Variants in AFF1 observed in about 807,000 individuals in gnomAD.
The protein encoded by AFF1 is ALF transcription elongation factor 1, also known as AF4/FMR2 family member 1.
A neutral mutation model predicts 121.7 loss-of-function variants in AFF1; 48 were observed. The observed-to-expected ratio is 0.39, with a 90% CI of 0.31 to 0.50. The LOEUF (loss-of-function observed/expected upper bound fraction) is 0.50. Ranked by LOEUF, AFF1 falls within the 20% of genes least tolerant of loss-of-function variation. The pLI, the probability that AFF1 is intolerant of heterozygous loss-of-function variation, is 0.76. For missense variants in AFF1, 1,523 were observed against 1,511.7 expected (o/e 1.01, Z -0.12); for synonymous variants, 613 against 563.0 (o/e 1.09, Z -1.26).
intron 2 of AFF1, chr4:87,007,326 ATGG>A: frequency 6.2e-7 from 1 of 1,605,094 alleles, no homozygotes; most frequent in Non-Finnish European, 8.5e-7. Flanking sequence ...GCTCCGCCAA[ATGG>A]TGAGCGCGGC....
intron 7 of AFF1, 119 bp downstream of exon 7, chr4:87,091,948 A>C: frequency 1.4e-6 from 1 of 706,398 alleles, no homozygotes; most frequent in Admixed American, 3.3e-5. Context: ...TGTTGAAAGA[A>C]TAGGAAAGGA....
intron 20 of AFF1, among the ~76,000 whole-genome samples, chr4:87,135,029 T>C (rs1214451669): frequency 6.6e-6 from 1 of 152,236 alleles, no homozygotes; most frequent in Non-Finnish European, 1.5e-5. Flanking sequence ...AGCCACTGGC[T>C]GTTCCTAGGC....
chr4:87,117,115 A>G (rs1406274240), intron 12 of AFF1, among the ~76,000 whole-genome samples: 1 of 152,162 alleles, frequency 6.6e-6, no homozygotes. Context: ...AGGATCCCCC[A>G]GAGAGCTCAG....
At position 87,129,610 on chromosome 4, in the gene AFF1, A is replaced by T. The variant is rs188857973; in HGVS notation, c.2965-1473A>T. ...CCAAATACTGCTGATTAATTGGGGA[A>T]TACTCATTTGATTTTTGTTCTGTCA... is the stretch of plus-strand genomic sequence containing the variant. On this transcript the variant is annotated intron_variant, in intron 16 of 20. Coordinates refer to ENST00000395146, the MANE Select transcript of AFF1 (RefSeq NM_001166693.3). 2.0e-5 allele frequency among the ~76,000 whole-genome samples: 3 copies of T among 152,328 alleles called. No individual in the cohort carries two copies. In the East Asian group the frequency reaches 5.8e-4, roughly 29 times the overall value.
intron 2 of AFF1, among the ~76,000 whole-genome samples, chr4:86,960,885 T>C (rs1722098251): frequency 6.6e-6 from 1 of 152,196 alleles, no homozygotes; most frequent in Non-Finnish European, 1.5e-5. Context: ...GGTAAGGCAC[T>C]GGGCACCCAA....
intron 19 of AFF1, 39 bp from the exon 20 acceptor site, chr4:87,134,432 G>A: frequency 6.6e-7 from 1 of 1,525,088 alleles, no homozygotes; most frequent in Non-Finnish European, 8.9e-7. Flanking sequence ...GTCTACTGGT[G>A]ACTGACTGAT....
At chr4:87,122,134 C>T (rs760551353) in intron 12 of AFF1, among the ~76,000 whole-genome samples, 5 of 152,158 alleles carry the variant, frequency 3.3e-5, no homozygotes, top group Admixed American at 6.5e-5. Flanking sequence ...AATTTAGTAT[C>T]GATCTGGATA....
chr4:87,104,862 A>G (rs945447930), intron 8 of AFF1, among the ~76,000 whole-genome samples: 2 of 144,158 alleles, frequency 1.4e-5, no homozygotes, highest in South Asian at 4.3e-4. Flanking sequence ...GTTTGAGGAA[A>G]TTTTTTTTTT....
chr4:87,086,741 T>C (rs1723776334), intron 5 of AFF1, among the ~76,000 whole-genome samples: 1 of 152,218 alleles, frequency 6.6e-6, no homozygotes, highest in South Asian at 2.1e-4. Context: ...ACCCAGATGC[T>C]ACTTTCCTTT....
At chr4:87,084,245 A>G in intron 5 of AFF1, 81 bp downstream of exon 5, 1 of 1,486,662 alleles carries the variant, frequency 6.7e-7, no homozygotes, top group South Asian at 1.1e-5. Flanking sequence ...ACTTTAAAGA[A>G]CAGTTGCCAT....
Position 86,962,123 on chromosome 4 carries a change from A to G in AFF1, c.38+13552A>G, listed in dbSNP as rs1722195606. Among the ~76,000 whole-genome samples the G allele has an allele frequency of 3.3e-5, 5 of 149,876 alleles. No individual in the cohort carries two copies. The Admixed American group carries it at 3.4e-4, about 10-fold the overall frequency. On this transcript the variant is annotated intron_variant, in intron 2 of 20. Coordinates refer to ENST00000395146, the MANE Select transcript of AFF1 (RefSeq NM_001166693.3). ...GGTATGCACGAGCTGAGATAGCAGG[A>G]TATTTGGAAAAGTTATTGTTTCTTT... is the stretch of plus-strand genomic sequence containing the variant.
At chr4:86,997,402 C>T (rs1318382228) in intron 2 of AFF1, among the ~76,000 whole-genome samples, 3 of 152,188 alleles carry the variant, frequency 2.0e-5, no homozygotes, top group African/African-American at 4.8e-5. Context: ...ATAAATTACC[C>T]AGTTTCAGGT....
intron 4 of AFF1, among the ~76,000 whole-genome samples, chr4:87,071,972 CT>C (rs1025775583): frequency 2.0e-5 from 3 of 152,030 alleles, no homozygotes; most frequent in African/African-American, 7.2e-5. Flanking sequence ...ATCTTTTAAA[CT>C]TCTTGGTTGT....
intron 2 of AFF1, among the ~76,000 whole-genome samples, chr4:87,030,298 C>G (rs2149580972): frequency 6.6e-6 from 1 of 152,280 alleles, no homozygotes; most frequent in African/African-American, 2.4e-5. Context: ...ACCAAAGCAT[C>G]CATAAACAAT....
chr4:87,090,414 C>T (rs573026124), intron 6 of AFF1, among the ~76,000 whole-genome samples: 3 of 152,314 alleles, frequency 2.0e-5, no homozygotes, highest in East Asian at 3.9e-4. Flanking sequence ...GCACATACAT[C>T]TTACATATCT....
rs1729583121 is a variant in AFF1 at position 87,139,827 on chromosome 4, G to A, written c.*4126G>A. On this transcript the variant is annotated 3_prime_UTR_variant, in exon 21 of 21. Transcript: ENST00000395146. ...TGAACCTCAAATATGCAATCCAGTT[G>A]TGTTGGTTTCTCGGTGACTTGGAGT... The A allele has an allele frequency of 4.4e-6, 1 of 225,560 alleles. No homozygotes were observed. The highest frequency in any genetic ancestry group is 8.8e-6 in the Non-Finnish European group (1 of 113,360). 14.0% of individuals were successfully genotyped at this position (225,560 alleles called of 1,614,324 possible). A position where few individuals can be genotyped will look rare whatever the true frequency, so the allele number is the denominator to read the frequency against.
intron 1 of AFF1, among the ~76,000 whole-genome samples, chr4:86,947,062 G>C: frequency 6.6e-6 from 1 of 152,178 alleles, no homozygotes; most frequent in East Asian, 1.9e-4. Flanking sequence ...CAAAGGCAGG[G>C]GTAGAGCTAG....
At chr4:87,098,239 T>G (rs2149730675) in intron 8 of AFF1, among the ~76,000 whole-genome samples, 1 of 152,284 alleles carries the variant, frequency 6.6e-6, no homozygotes, top group East Asian at 1.9e-4. Context: ...GTTGTGAAAT[T>G]AAATGTAATG....
At position 87,114,813 on chromosome 4, in the gene AFF1, C is replaced by G. The variant is rs116543050; in HGVS notation, c.1980C>G (p.Ala660=). The change falls in exon 12 of 21, where the codon GCC becomes GCG. Residue 660 remains alanine (A), a synonymous_variant. Coordinates refer to ENST00000395146, the MANE Select transcript of AFF1 (RefSeq NM_001166693.3). ...TGAAGACGAAAGGACGGCCCCGGGC[C>G]GCAGCAAGCAACGAACCCAAGCCAG... The part of the protein sequence containing the change: ...PKVKTKGRPR[A]AASNEPKPAV... The G allele has an allele frequency of 5.3e-5, 85 of 1,613,550 alleles. No individual in the cohort carries two copies. The African/African-American group carries it at 9.3e-4, about 18-fold the overall frequency.
Sources: allele counts gnomAD v4.1 joint callset (sites outside exome capture counted in the v4.1 genomes callset), GRCh38; gene constraint gnomAD v4.1.1; transcripts MANE v1.5; gene names NCBI Gene and HGNC (gene_info 2026-07-23, HGNC 2026-07-21).